HIC2: variants seen among roughly 807,000 people sequenced by gnomAD.
HIC2 encodes the protein hypermethylated in cancer 2 protein.
A neutral mutation model predicts 39.5 loss-of-function variants in HIC2; 2 were observed. That is an observed-to-expected ratio of 0.05 (90% CI 0.02 to 0.16). The LOEUF is 0.16. Ranked by LOEUF, HIC2 falls within the 10% of genes least tolerant of loss-of-function variation. HIC2 has a pLI of 1.00. For missense variants in HIC2, 713 were observed against 863.5 expected (o/e 0.83, Z 2.18); for synonymous variants, 399 against 368.8 (o/e 1.08, Z -0.94).
chr22:21,449,583 G>A lies in HIC2; in HGVS notation c.*2840G>A, dbSNP rs527432237. ...TTTACAGTTTCAGACCTCAGCAGCT[G>A]TAAGGCCAGTCCAGGGAACCCTCCC... On this transcript the variant is annotated 3_prime_UTR_variant, in exon 3 of 3. Transcript: ENST00000407464. 4.6e-5 allele frequency: 7 copies of A among 152,920 alleles called. 1 individual carries two copies. In the East Asian group the frequency reaches 1.3e-3, roughly 29 times the overall value. 9.5% of individuals were successfully genotyped at this position (152,920 alleles called of 1,614,324 possible). A position where few individuals can be genotyped will look rare whatever the true frequency, so the allele number is the denominator to read the frequency against.
Position 21,447,410 on chromosome 22 carries a change from C to A in HIC2, c.*667C>A, listed in dbSNP as rs1923915988. On this transcript the variant is annotated 3_prime_UTR_variant, in exon 3 of 3. Transcript: ENST00000407464. ...AAACAGACAATAGCTTATTTTCTTT[C>A]CGCCCCCTCCGGGGCTGAGCCTGGG... The A allele has an allele frequency of 6.5e-6, 1 of 152,738 alleles. No homozygotes were observed. Among genetic ancestry groups the A allele is most frequent in the African/African-American group, 2.4e-5 (1 of 41,446 alleles). The allele number at this position is 152,738 out of a possible 1,614,324, so 9.5% of individuals were successfully genotyped here.
chr22:21,442,555 A>G, intron 1 of HIC2: 1 of 209,096 alleles, frequency 4.8e-6, no homozygotes, highest in Non-Finnish European at 8.7e-6. Context: ...CAGGCATTGC[A>G]CCCACCGAAC....
chr22:21,446,450 A>G lies in HIC2; in HGVS notation c.1555A>G (p.Thr519Ala). 6.2e-7 allele frequency: 1 copy of G among 1,612,298 alleles called. No homozygotes were observed. The highest frequency in any genetic ancestry group is 8.5e-7 in the Non-Finnish European group (1 of 1,180,014). Residue 519 changes from threonine to alanine, a missense_variant, in exon 3 of 3, where the codon ACG becomes GCG. Coordinates refer to ENST00000407464, the MANE Select transcript of HIC2 (RefSeq NM_015094.3). ...CGAGAAGACCTACAAGGACCCAGCC[A>G]CGCTGCGGCAGCACGAGAAGACGCA... Reference protein sequence around the residue: ...VCEKTYKDPATLRQHEKTHWL... With the variant: ...VCEKTYKDPAALRQHEKTHWL...
At chr22:21,441,654 CT>C (rs1923543933) in intron 1 of HIC2, among the ~76,000 whole-genome samples, 1 of 95,380 alleles carries the variant, frequency 1.0e-5, no homozygotes, top group African/African-American at 3.9e-5. Flanking sequence ...AGTTTTTCGA[CT>C]GCTCCCGCCA....
In HIC2 at chr22:21,445,027, C is replaced by G; in HGVS notation, c.132C>G (p.Phe44Leu). Residue 44 changes from phenylalanine to leucine, a missense_variant, in exon 3 of 3, where the codon TTC becomes TTG. Around this residue, in one of 5 missense-constraint regions of HIC2, gnomAD observed 102 missense variants for 187.1 expected, o/e 0.55. Transcript: ENST00000407464. ...TGAACCAGCAGAGGACCAAGGGCTT[C>G]CTGTGTGACGTCATCATCATGGTGG... Reference protein sequence around the residue: ...LQLNQQRTKGFLCDVIIMVEN... With the variant: ...LQLNQQRTKGLLCDVIIMVEN... 1.2e-6 allele frequency: 2 copies of G among 1,614,180 alleles called. No individual in the cohort carries two copies. The highest frequency in any genetic ancestry group is 1.7e-6 in the Non-Finnish European group (2 of 1,180,040).
In HIC2 at chr22:21,446,185, G is replaced by A; in HGVS notation, c.1290G>A (p.Glu430=). The A allele has an allele frequency of 6.2e-7, 1 of 1,610,722 alleles. No homozygotes were observed. The highest frequency in any genetic ancestry group is 8.5e-7 in the Non-Finnish European group (1 of 1,179,978). The change falls in exon 3 of 3, where the codon GAG becomes GAA. Residue 430 remains glutamate, a synonymous_variant. Transcript: ENST00000407464. ...GCGCCCACTACATGTACCGGCAGGA[G>A]GGCTACGAGACGGTGTCCTACGGGG... The part of the protein sequence containing the change: ...HASAHYMYRQ[E]GYETVSYGDN...
At chr22:21,432,004 C>T (rs188373729) in intron 1 of HIC2, among the ~76,000 whole-genome samples, 25 of 143,452 alleles carry the variant, frequency 1.7e-4, no homozygotes, top group African/African-American at 5.3e-4. Flanking sequence ...GGATGCCGAA[C>T]GTATAACTTT....
Position 21,450,687 on chromosome 22 carries a change from G to C in HIC2, c.*3944G>C, listed in dbSNP as rs1209062535. 6.5e-6 allele frequency: 1 copy of C among 152,828 alleles called. No individual in the cohort carries two copies. Among genetic ancestry groups the C allele is most frequent in the Non-Finnish European group, 1.5e-5 (1 of 68,078 alleles). The allele number at this position is 152,828 out of a possible 1,614,324, so 9.5% of individuals were successfully genotyped here. A position where few individuals can be genotyped will look rare whatever the true frequency, so the allele number is the denominator to read the frequency against. On this transcript the variant is annotated 3_prime_UTR_variant, in exon 3 of 3. Transcript: ENST00000407464. The stretch of plus-strand genomic sequence containing the variant: ...GGGACCAAGGTCCTCCTATTTCCCA[G>C]AACCCCGTTGGGGCAGATGTTACTG...
At chr22:21,417,914 A>T (rs1922943983) in intron 1 of HIC2, among the ~76,000 whole-genome samples, 1 of 148,406 alleles carries the variant, frequency 6.7e-6, no homozygotes, top group Non-Finnish European at 1.5e-5. Flanking sequence ...TCTAATCCGA[A>T]CAGCGTCGGG....
rs2148341404 is a variant in HIC2, at chr22:21,444,789, T to C, written c.27-133T>C. ...CATTGTGGGCTTATGTGCCGTGTAC[T>C]GTGCCGCAGGGGCTCCTGCCCTATG... On this transcript the variant is annotated intron_variant, in intron 2 of 2. Coordinates refer to ENST00000407464, the MANE Select transcript of HIC2 (RefSeq NM_015094.3). 4 of 922,162 alleles carry C rather than the reference T, an allele frequency of 4.3e-6. No individual in the cohort carries two copies. In the South Asian group the frequency reaches 5.0e-5, roughly 11 times the overall value. The allele number at this position is 922,162 out of a possible 1,614,324, so 57.1% of individuals were successfully genotyped here.
Position 21,446,309 on chromosome 22 carries a change from A to C in HIC2, c.1414A>C (p.Lys472Gln). Residue 472 changes from lysine to glutamine, a missense_variant, in exon 3 of 3, where the codon AAG becomes CAG. Lys to Gln is a moderately conservative substitution (Grantham distance 53, BLOSUM62 1). Coordinates refer to ENST00000407464, the MANE Select transcript of HIC2 (RefSeq NM_015094.3). ...ETHTEEELFI[K>Q]EEGAYETGSG... ...TCACACGGAGGAAGAGCTGTTCATC[A>C]AGGAAGAGGGGGCCTACGAGACAGG... is the stretch of plus-strand genomic sequence containing the variant. 2.5e-6 allele frequency: 4 copies of C among 1,613,210 alleles called. No individual in the cohort carries two copies. Among genetic ancestry groups the C allele is most frequent in the African/African-American group, 1.3e-5 (1 of 75,000 alleles).
intron 1 of HIC2, among the ~76,000 whole-genome samples, chr22:21,425,705 TA>T (rs1351479167): frequency 6.9e-6 from 1 of 145,836 alleles, no homozygotes; most frequent in African/African-American, 2.6e-5. Context: ...CACGCCTGGT[TA>T]ATTTTTTCTT....
At position 21,450,729 on chromosome 22, in the gene HIC2, G is replaced by A. The variant is rs1006304374; in HGVS notation, c.*3986G>A. ...ATGTTACTGAACCTGTGAATCAGACGCCAGGAGTGAGGGCTGGGGAGGGAC... is the reference window on the plus strand; with the variant it reads ...ATGTTACTGAACCTGTGAATCAGACACCAGGAGTGAGGGCTGGGGAGGGAC... On this transcript the variant is annotated 3_prime_UTR_variant, in exon 3 of 3. Coordinates refer to ENST00000407464, the MANE Select transcript of HIC2 (RefSeq NM_015094.3). 4 of 152,792 alleles carry A rather than the reference G, an allele frequency of 2.6e-5. No individual in the cohort carries two copies. Among genetic ancestry groups the A allele is most frequent in the Admixed American group, 6.5e-5 (1 of 15,286 alleles). 9.5% of individuals were successfully genotyped at this position (152,792 alleles called of 1,614,324 possible).
chr22:21,436,641 C>CT (rs1923432709), intron 1 of HIC2, among the ~76,000 whole-genome samples: 1 of 136,190 alleles, frequency 7.3e-6, no homozygotes, highest in African/African-American at 2.7e-5. Context: ...GGAGGATGGT[C>CT]TGGGAGGAGA....
chr22:21,432,790 GTC>G (rs1291360775), intron 1 of HIC2, among the ~76,000 whole-genome samples: 3 of 108,436 alleles, frequency 2.8e-5, no homozygotes, highest in Admixed American at 1.8e-4. Flanking sequence ...ATTTACAGTA[GTC>G]TCTCTGTTTC....
Position 21,450,752 on chromosome 22 carries a change from GA to G in HIC2, c.*4010del, listed in dbSNP as rs1375045485. ...ACGCCAGGAGTGAGGGCTGGGGAGGGACCTAACTGGAGCCTCAGTCTGACAT... is the reference window on the plus strand; with the variant it reads ...ACGCCAGGAGTGAGGGCTGGGGAGGGCCTAACTGGAGCCTCAGTCTGACAT... On this transcript the variant is annotated 3_prime_UTR_variant, in exon 3 of 3. Coordinates refer to ENST00000407464, the MANE Select transcript of HIC2 (RefSeq NM_015094.3). 4 of 152,774 alleles carry G rather than the reference GA, an allele frequency of 2.6e-5. No individual in the cohort carries two copies. Among genetic ancestry groups the G allele is most frequent in the Non-Finnish European group, 5.9e-5 (4 of 68,050 alleles). The allele number at this position is 152,774 out of a possible 1,614,324, so 9.5% of individuals were successfully genotyped here. A position where few individuals can be genotyped will look rare whatever the true frequency, so the allele number is the denominator to read the frequency against.
chr22:21,451,135 G>C lies in HIC2; in HGVS notation c.*4392G>C, dbSNP rs1924169122. ...CATTTCTCGCAAATACCTCGAAGGG[G>C]AGGGGGGAGGGATGGGGTTATAGCT... On this transcript the variant is annotated 3_prime_UTR_variant, in exon 3 of 3. Coordinates refer to ENST00000407464, the MANE Select transcript of HIC2 (RefSeq NM_015094.3). 6.6e-6 allele frequency: 1 copy of C among 152,638 alleles called. No homozygotes were observed. Among genetic ancestry groups the C allele is most frequent in the South Asian group, 2.1e-4 (1 of 4,826 alleles). The allele number at this position is 152,638 out of a possible 1,614,324, so 9.5% of individuals were successfully genotyped here. A position where few individuals can be genotyped will look rare whatever the true frequency, so the allele number is the denominator to read the frequency against.
In HIC2 at chr22:21,446,491, CT is replaced by C; in HGVS notation, c.1598del (p.Phe533SerfsTer16). Reference sequence around the variant, plus strand: ...AGAAGACGCACTGGCTGACACGGCCCTTCCCCTGCAACATCTGTGGCAAAAT... The same window carrying C: ...AGAAGACGCACTGGCTGACACGGCCCTCCCCTGCAACATCTGTGGCAAAAT... ...HEKTHWLTRP[F>X]PCNICGKMFT... On this transcript the variant is annotated frameshift_variant, in exon 3 of 3. Transcript: ENST00000407464. LOFTEE classifies it high-confidence loss of function. 1 of 1,612,740 alleles carries C rather than the reference CT, an allele frequency of 6.2e-7. No homozygotes were observed.
chr22:21,446,566 C>T lies in HIC2; in HGVS notation c.1671C>T (p.Gly557=). The stretch of plus-strand genomic sequence containing the variant: ...CGCGTCACATGCGGAGCCACCTGGG[C>T]CTGAAGCCCTTCGCCTGCGATGAGT... ...TMTRHMRSHL[G]LKPFACDECG... Residue 557 remains glycine (G), a synonymous_variant, in exon 3 of 3, where the codon GGC becomes GGT. Transcript: ENST00000407464. 1 of 1,613,492 alleles carries T rather than the reference C, an allele frequency of 6.2e-7. No homozygotes were observed. Among genetic ancestry groups the T allele is most frequent in the Non-Finnish European group, 8.5e-7 (1 of 1,180,030 alleles).
Sources: allele counts gnomAD v4.1 joint callset (sites outside exome capture counted in the v4.1 genomes callset), GRCh38; gene constraint gnomAD v4.1.1; regional missense constraint gnomAD v4.1.1; transcripts MANE v1.5; gene names NCBI Gene and HGNC (gene_info 2026-07-23, HGNC 2026-07-21).